ARIH2: variants seen among roughly 807,000 people sequenced by gnomAD.
The protein encoded by ARIH2 is ariadne RBR E3 ubiquitin protein ligase 2, also known as E3 ubiquitin-protein ligase ARIH2.
A neutral mutation model predicts 79.8 loss-of-function variants in ARIH2; 12 were observed. The observed-to-expected ratio is 0.15, with a 90% CI of 0.10 to 0.24. The LOEUF (loss-of-function observed/expected upper bound fraction) is 0.24, where lower values mean the gene tolerates loss of function less well. ARIH2 is among the 10% of genes least tolerant of loss of function. The probability of loss-of-function intolerance (pLI) is 1.00; values close to 1 mark genes in which losing one functional copy is unlikely to be tolerated. For missense variants in ARIH2, 301 were observed against 618.3 expected (o/e 0.49, Z 5.44); for synonymous variants, 224 against 213.9 (o/e 1.05, Z -0.41).
intron 7 of ARIH2, among the ~76,000 whole-genome samples, chr3:48,969,938 C>T (rs1322918982): frequency 9.3e-5 from 14 of 150,778 alleles, no homozygotes; most frequent in African/African-American, 3.2e-4. Flanking sequence ...TCACCGAGGC[C>T]GGAGTACAGG....
chr3:48,974,918 G>C, intron 10 of ARIH2, 40 bp from the exon 11 acceptor site: 1 of 1,614,070 alleles, frequency 6.2e-7, no homozygotes, highest in Non-Finnish European at 8.5e-7. Context: ...GCTTTGGTCA[G>C]TGTGCCCTTA....
chr3:48,919,099 G>A (rs2084338837), intron 1 of ARIH2, 101 bp downstream of exon 1: 11 of 1,276,918 alleles, frequency 8.6e-6, no homozygotes, highest in Non-Finnish European at 1.1e-5. Context: ...CGCCTTCGCC[G>A]TCGCCCGGGA....
At chr3:48,943,030 C>T (rs979857146) in intron 3 of ARIH2, among the ~76,000 whole-genome samples, 4 of 152,138 alleles carry the variant, frequency 2.6e-5, no homozygotes, top group African/African-American at 4.8e-5. Flanking sequence ...CCACCTGCCT[C>T]GGCCTCCCAA....
At chr3:48,947,166 C>T (rs1262951023) in intron 3 of ARIH2, among the ~76,000 whole-genome samples, 1 of 152,192 alleles carries the variant, frequency 6.6e-6, no homozygotes, top group African/African-American at 2.4e-5. Flanking sequence ...GAAGGCCAGG[C>T]ACAGTGGCTC....
intron 3 of ARIH2, among the ~76,000 whole-genome samples, chr3:48,951,580 G>A (rs1330523447): frequency 2.6e-5 from 4 of 152,130 alleles, no homozygotes; most frequent in Non-Finnish European, 4.4e-5. Flanking sequence ...GAAGGGTTTC[G>A]ATCATGACTT....
intron 11 of ARIH2, among the ~76,000 whole-genome samples, chr3:48,977,872 C>T (rs769187204): frequency 2.2e-4 from 34 of 152,218 alleles, no homozygotes; most frequent in Middle Eastern, 6.8e-3. Flanking sequence ...TCTGGGTCTC[C>T]GGGTTTTGCT....
At chr3:48,950,894 C>T (rs2089860613) in intron 3 of ARIH2, among the ~76,000 whole-genome samples, 1 of 149,014 alleles carries the variant, frequency 6.7e-6, no homozygotes, top group Non-Finnish European at 1.5e-5. Flanking sequence ...ATGGCTCTTT[C>T]TTTGAATTCT....
intron 3 of ARIH2, among the ~76,000 whole-genome samples, chr3:48,944,631 A>G (rs867934091): frequency 6.6e-6 from 1 of 152,256 alleles, no homozygotes; most frequent in East Asian, 1.9e-4. Flanking sequence ...GGTGTGAAGT[A>G]TGGGAGAAAT....
Position 48,983,232 on chromosome 3 carries a change from C to G in ARIH2, c.1444C>G (p.Arg482Gly), listed in dbSNP as rs1333235363. 3 of 1,614,088 alleles carry G rather than the reference C, an allele frequency of 1.9e-6. No individual in the cohort carries two copies. Among genetic ancestry groups the G allele is most frequent in the Non-Finnish European group, 2.5e-6 (3 of 1,180,052 alleles). ...LENQMHIAEQ[R>G]RRTLLKDFHD... ...GAACCAGATGCATATAGCGGAGCAGCGGAGGAGAACCCTGCTGAAAGATTT... is the reference window on the plus strand; with the variant it reads ...GAACCAGATGCATATAGCGGAGCAGGGGAGGAGAACCCTGCTGAAAGATTT... The change falls in exon 16 of 16, where the codon CGG (arginine) becomes GGG (glycine). Residue 482 changes from arginine (R) to glycine (G), a missense_variant. Physicochemically the swap from Arg to Gly is moderately radical, Grantham distance 125 (BLOSUM62 -2). Coordinates refer to ENST00000356401, the MANE Select transcript of ARIH2 (RefSeq NM_006321.4).
intron 3 of ARIH2, among the ~76,000 whole-genome samples, chr3:48,961,082 G>A (rs1424031011): frequency 3.9e-5 from 6 of 152,174 alleles, no homozygotes; most frequent in African/African-American, 1.2e-4. Context: ...AACTGTCCTT[G>A]CAACTAGGAC....
chr3:48,979,471 G>C lies in ARIH2; in HGVS notation c.962-11G>C. On this transcript the variant is annotated splice_polypyrimidine_tract_variant and intron_variant, in intron 11 of 15. Transcript: ENST00000356401. Reference sequence around the variant, plus strand: ...TGTAGATGTAAATGACTCTTCCTCTGTTCTGCACAGACTTCTGCTGGATGT... The same window carrying C: ...TGTAGATGTAAATGACTCTTCCTCTCTTCTGCACAGACTTCTGCTGGATGT... The C allele has an allele frequency of 6.2e-7, 1 of 1,613,730 alleles. No individual in the cohort carries two copies. The highest frequency in any genetic ancestry group is 1.1e-5 in the South Asian group (1 of 91,032).
chr3:48,938,558 C>T (rs2087514526), intron 3 of ARIH2, among the ~76,000 whole-genome samples: 2 of 152,044 alleles, frequency 1.3e-5, no homozygotes, highest in Non-Finnish European at 2.9e-5. Flanking sequence ...ACTAATCCAT[C>T]ATAAAGGAAA....
intron 3 of ARIH2, among the ~76,000 whole-genome samples, chr3:48,957,401 G>T (rs903101549): frequency 6.6e-6 from 1 of 152,170 alleles, no homozygotes; most frequent in African/African-American, 2.4e-5. Flanking sequence ...TTGTTGAATG[G>T]CTACCCAGTG....
chr3:48,962,924 A>G lies in ARIH2; in HGVS notation c.323+1245A>G, dbSNP rs138145868. On this transcript the variant is annotated intron_variant, in intron 4 of 15. Transcript: ENST00000356401. Reference sequence around the variant, plus strand: ...CACTCTGTCACCCAGGCTGGAGTGCAGTGGCACAACCTTGGCTCACTGCAA... The same window carrying G: ...CACTCTGTCACCCAGGCTGGAGTGCGGTGGCACAACCTTGGCTCACTGCAA... Among the ~76,000 whole-genome samples, 451 of 152,170 alleles carry G rather than the reference A, an allele frequency of 3.0e-3. 4 individuals are homozygous for G. Among genetic ancestry groups the G allele is most frequent in the African/African-American group, 0.01 (428 of 41,508 alleles).
intron 6 of ARIH2, 133 bp from the exon 7 acceptor site, chr3:48,968,401 G>A (rs2091951497): frequency 1.3e-6 from 1 of 775,528 alleles, no homozygotes; most frequent in South Asian, 1.4e-5. Flanking sequence ...TAGAGACTGG[G>A]TTTCTCCATA....
At chr3:48,947,195 C>G (rs2089287889) in intron 3 of ARIH2, among the ~76,000 whole-genome samples, 1 of 152,322 alleles carries the variant, frequency 6.6e-6, no homozygotes, top group Non-Finnish European at 1.5e-5. Flanking sequence ...AATCCCAGCT[C>G]TTTGGGAGGC....
At chr3:48,941,028 C>T (rs1043183022) in intron 3 of ARIH2, among the ~76,000 whole-genome samples, 2 of 151,074 alleles carry the variant, frequency 1.3e-5, no homozygotes, top group Admixed American at 6.6e-5. Context: ...AAAAATTAGC[C>T]GGGCGTGGTA....
At chr3:48,940,808 A>AATATAT (rs1553702240) in intron 3 of ARIH2, among the ~76,000 whole-genome samples, 1,056 of 97,960 alleles carry the variant, frequency 0.011, 17 homozygotes, top group South Asian at 0.019. Context: ...AAAAAAAAAA[A>AATATAT]ATATATATAT....
At chr3:48,948,194 C>T (rs916062883) in intron 3 of ARIH2, among the ~76,000 whole-genome samples, 4 of 152,066 alleles carry the variant, frequency 2.6e-5, no homozygotes, top group Non-Finnish European at 5.9e-5. Flanking sequence ...ATCTCCTGAC[C>T]TTGTGATCCG....
Sources: gnomAD v4.1 joint callset for allele counts (sites outside exome capture counted in the v4.1 genomes callset) on GRCh38, gnomAD v4.1.1 for gene constraint, MANE v1.5 for transcripts, NCBI Gene and HGNC (gene_info 2026-07-23, HGNC 2026-07-21) for gene names.